SAMD7: variants seen among roughly 807,000 people sequenced by gnomAD.
SAMD7 encodes sterile alpha motif domain containing 7, also known as sterile alpha motif domain-containing protein 7.
SAMD7 carries 34 observed loss-of-function variants against 36.7 expected under a neutral mutation model. That is an observed-to-expected ratio of 0.93 (90% CI 0.71 to 1.23). The LOEUF (loss-of-function observed/expected upper bound fraction) is 1.23. Ranked by LOEUF, SAMD7 falls within the 50% of genes most tolerant of loss-of-function variation. SAMD7 has a pLI of 0.00. For synonymous variants in SAMD7, 188 were observed against 189.7 expected (o/e 0.99, Z 0.07); for missense variants, 570 against 546.6 (o/e 1.04, Z -0.43).
At chr3:169,917,481 G>A (rs1188390344) in intron 2 of SAMD7, among the ~76,000 whole-genome samples, 3 of 151,538 alleles carry the variant, frequency 2.0e-5, no homozygotes, top group Admixed American at 2.0e-4. Context: ...TACTTACGGG[G>A]GCACATGAGA....
intron 7 of SAMD7, among the ~76,000 whole-genome samples, chr3:169,930,503 C>A (rs955638347): frequency 6.6e-6 from 1 of 151,946 alleles, no homozygotes; most frequent in Non-Finnish European, 1.5e-5. Context: ...CTGCTTGTAC[C>A]CCACTCTCAC....
chr3:169,929,099 A>G (rs1275440129), intron 7 of SAMD7, among the ~76,000 whole-genome samples: 6 of 152,234 alleles, frequency 3.9e-5, no homozygotes, highest in Non-Finnish European at 8.8e-5. Context: ...TGCATACAAC[A>G]TATTCAATCT....
At chr3:169,931,752 A>C (rs1345019664) in intron 7 of SAMD7, among the ~76,000 whole-genome samples, 1 of 152,156 alleles carries the variant, frequency 6.6e-6, no homozygotes, top group Non-Finnish European at 1.5e-5. Flanking sequence ...TGGGAGCTGC[A>C]GTGGTGGTGG....
chr3:169,932,650 C>T (rs1713548766), intron 7 of SAMD7: 2 of 549,010 alleles, frequency 3.6e-6, no homozygotes, highest in East Asian at 9.4e-5. Flanking sequence ...CCGATGGAGA[C>T]ACAATGGAAA....
rs761475459 is a variant in SAMD7 at position 169,925,052 on chromosome 3, T to C, written c.212-6T>C. The C allele has an allele frequency of 6.3e-7, 1 of 1,595,114 alleles. No individual in the cohort carries two copies. The highest frequency in any genetic ancestry group is 1.1e-5 in the South Asian group (1 of 87,282). On this transcript the variant is annotated splice_region_variant and splice_polypyrimidine_tract_variant and intron_variant, in intron 4 of 8. Transcript: ENST00000335556. ...GTGGGGTGGGATGGTGGTTTTCTTT[T>C]TTAAGGTTGGGGCATTTTACCACCT...
intron 7 of SAMD7, 47 bp from the exon 8 acceptor site, chr3:169,936,291 TC>T (rs1198105874): frequency 8.8e-6 from 11 of 1,248,864 alleles, no homozygotes; most frequent in Admixed American, 3.8e-5. Flanking sequence ...AAGAACTTTT[TC>T]AAAAAAAGAC....
rs1713205436 is a variant in SAMD7 at position 169,925,152 on chromosome 3, T to G, written c.290+16T>G. On this transcript the variant is annotated intron_variant, in intron 5 of 8. Coordinates refer to ENST00000335556, the MANE Select transcript of SAMD7 (RefSeq NM_001304366.2). The stretch of plus-strand genomic sequence containing the variant: ...ATACTGCCAGGTAATTTGGCAATGT[T>G]GTTTTATTTATTCTCTATTCATTCA... 6.4e-7 allele frequency: 1 copy of G among 1,559,446 alleles called. No homozygotes were observed.
chr3:169,932,666 G>A (rs1713549314), intron 7 of SAMD7: 2 of 555,316 alleles, frequency 3.6e-6, no homozygotes, highest in Non-Finnish European at 7.2e-6. Context: ...GGAAAAATCT[G>A]TCACACTTTG....
intron 2 of SAMD7, 140 bp downstream of exon 2, chr3:169,915,581 T>A (rs1228454346): frequency 7.6e-6 from 1 of 131,058 alleles, no homozygotes; most frequent in Non-Finnish European, 1.6e-5. Context: ...TAATTTTTTT[T>A]TTTTTTTTTT....
intron 7 of SAMD7, among the ~76,000 whole-genome samples, chr3:169,928,878 C>T (rs1713377547): frequency 1.3e-5 from 2 of 151,990 alleles, no homozygotes; most frequent in Admixed American, 6.5e-5. Context: ...GCTGAACATC[C>T]AAAAAGAATG....
intron 7 of SAMD7, among the ~76,000 whole-genome samples, chr3:169,935,325 C>T (rs538833473): frequency 6.6e-6 from 1 of 152,208 alleles, no homozygotes; most frequent in South Asian, 2.1e-4. Flanking sequence ...AGGGAATTAT[C>T]TATCCTCTCT....
At chr3:169,924,705 TCAAGTGGTACC>T (rs980856764) in intron 4 of SAMD7, among the ~76,000 whole-genome samples, 3 of 152,116 alleles carry the variant, frequency 2.0e-5, no homozygotes, top group Non-Finnish European at 4.4e-5. Context: ...TATCAAAACA[TCAAGTGGTACC>T]CAAAAAATAC....
At chr3:169,933,417 C>T (rs2108265489) in intron 7 of SAMD7, among the ~76,000 whole-genome samples, 1 of 152,324 alleles carries the variant, frequency 6.6e-6, no homozygotes, top group East Asian at 1.9e-4. Flanking sequence ...CCACAAGTTT[C>T]TGAGCATGGA....
intron 8 of SAMD7, among the ~76,000 whole-genome samples, chr3:169,936,691 A>G (rs993128356): frequency 6.6e-6 from 1 of 152,190 alleles, no homozygotes; most frequent in Admixed American, 6.5e-5. Context: ...TTTAACAAGT[A>G]GTTCTCTTTG....
Position 169,919,486 on chromosome 3 carries a change from G to A in SAMD7, c.-13G>A. On this transcript the variant is annotated 5_prime_UTR_variant, in exon 3 of 9. Coordinates refer to ENST00000335556, the MANE Select transcript of SAMD7 (RefSeq NM_001304366.2). ...TCCATTAGTGGCGAGAGATATTGAA[G>A]ACAAACCCGGTGATGGCTGTGAACC... 3 of 1,611,994 alleles carry A rather than the reference G, an allele frequency of 1.9e-6. No individual in the cohort carries two copies. The highest frequency in any genetic ancestry group is 2.5e-6 in the Non-Finnish European group (3 of 1,178,004).
In SAMD7 at chr3:169,919,448, T is replaced by C. The variant is rs753845576; in HGVS notation, c.-41-10T>C. 8.8e-6 allele frequency: 12 copies of C among 1,370,388 alleles called. No homozygotes were observed. Among genetic ancestry groups the C allele is most frequent in the African/African-American group, 5.7e-5 (4 of 70,102 alleles). The allele number at this position is 1,370,388 out of a possible 1,614,324, so 84.9% of individuals were successfully genotyped here. On this transcript the variant is annotated splice_polypyrimidine_tract_variant and intron_variant, in intron 2 of 8. Coordinates refer to ENST00000335556, the MANE Select transcript of SAMD7 (RefSeq NM_001304366.2). ...GTTATTTGTTAAAGTGTCTATCTGGTTCTTTTTAGAACTCCATTAGTGGCG... is the reference window on the plus strand; with the variant it reads ...GTTATTTGTTAAAGTGTCTATCTGGCTCTTTTTAGAACTCCATTAGTGGCG...
chr3:169,925,844 ATTACT>A (rs1713235971), intron 5 of SAMD7, among the ~76,000 whole-genome samples: 1 of 152,200 alleles, frequency 6.6e-6, no homozygotes. Flanking sequence ...TCATATTGGC[ATTACT>A]GTCTTAAATG....
rs267599690 is a variant in SAMD7, at chr3:169,925,090, G to A, written c.244G>A (p.Ala82Thr). Residue 82 changes from alanine (A) to threonine (T), a missense_variant, in exon 5 of 9, where the codon GCA becomes ACA. Ala to Thr is a moderately conservative substitution (Grantham distance 58). Transcript: ENST00000335556. ...WGILPPESIK[A>T]VARRNEMIQR... is the part of the protein sequence containing the mutation. ...CATTTTACCACCTGAATCCATAAAG[G>A]CAGTGGCCAGAAGGAATGAAATGAT... The A allele has an allele frequency of 3.2e-5, 51 of 1,611,448 alleles. No homozygotes were observed. The highest frequency in any genetic ancestry group is 4.2e-5 in the Non-Finnish European group (49 of 1,178,802).
At chr3:169,932,995 A>T in intron 7 of SAMD7, 1 of 728,230 alleles carries the variant, frequency 1.4e-6, no homozygotes, top group Non-Finnish European at 2.6e-6. Flanking sequence ...CCCCTCTATC[A>T]GTGTGGCATC....
Sources: gnomAD v4.1 joint callset for allele counts (sites outside exome capture counted in the v4.1 genomes callset) on GRCh38, gnomAD v4.1.1 for gene constraint, MANE v1.5 for transcripts, NCBI Gene and HGNC (gene_info 2026-07-23, HGNC 2026-07-21) for gene names.